Variants in SEMA4A observed in about 807,000 individuals in gnomAD.
SEMA4A encodes the protein semaphorin-4A.
Under a neutral mutation model 72.5 loss-of-function variants are expected in SEMA4A, and 52 were observed. That is an observed-to-expected ratio of 0.72 (90% CI 0.57 to 0.90). The LOEUF is 0.90. SEMA4A is among the 40% of genes least tolerant of loss of function. The probability of loss-of-function intolerance (pLI) is 0.00; values close to 1 mark genes in which losing one functional copy is unlikely to be tolerated. For missense variants in SEMA4A, 926 were observed against 959.7 expected, an observed-to-expected ratio of 0.96 and a Z score of 0.46; for synonymous variants, 369 against 393.1, an observed-to-expected ratio of 0.94 and a Z score of 0.73.
intron 10 of SEMA4A, among the ~76,000 whole-genome samples, chr1:156,167,310 AAGACCCCC>A (rs1654254333): frequency 6.6e-6 from 1 of 151,834 alleles, no homozygotes; most frequent in East Asian, 2.0e-4. Flanking sequence ...GCAATATAGT[AAGACCCCC>A]ATCTCTACAA....
chr1:156,165,214 C>T (rs1654046362), intron 10 of SEMA4A, among the ~76,000 whole-genome samples: 1 of 152,202 alleles, frequency 6.6e-6, no homozygotes, highest in Non-Finnish European at 1.5e-5. Context: ...GCCTTTCTGA[C>T]TGCTCCAGTC....
At chr1:156,150,038 C>T (rs1652403050), upstream of SEMA4A, 1 of 151,922 alleles carries the variant, frequency 6.6e-6, no homozygotes, top group Admixed American at 6.6e-5. Flanking sequence ...CACTGAGAGA[C>T]CGGAAAGCCT....
intron 10 of SEMA4A, 98 bp downstream of exon 10, chr1:156,163,192 G>A: frequency 7.2e-7 from 1 of 1,380,496 alleles, no homozygotes; most frequent in Non-Finnish European, 1.0e-6. Context: ...AAATGTTAGT[G>A]CTCTCCACCC....
At chr1:156,166,666 C>T (rs1654189240) in intron 10 of SEMA4A, among the ~76,000 whole-genome samples, 1 of 152,152 alleles carries the variant, frequency 6.6e-6, no homozygotes, top group Non-Finnish European at 1.5e-5. Context: ...CAGTGGCTGA[C>T]ACCTGTAATC....
intron 10 of SEMA4A, 40 bp downstream of exon 10, chr1:156,163,134 C>T: frequency 6.2e-7 from 1 of 1,608,392 alleles, no homozygotes. Flanking sequence ...TCTACACATA[C>T]ATAATGTGCA....
chr1:156,172,921 A>G lies in SEMA4A; in HGVS notation c.1230A>G (p.Lys410=). Residue 410 remains lysine (K), a synonymous_variant, in exon 11 of 15, where the codon AAA becomes AAG. Transcript: ENST00000368285. Reference sequence around the variant, plus strand: ...TGGTGGGGACGCCCCTGCTGGTGAAATCTGGCGTGGAGTATACACGGCTTG... The same window carrying G: ...TGGTGGGGACGCCCCTGCTGGTGAAGTCTGGCGTGGAGTATACACGGCTTG... ...EQVVGTPLLV[K]SGVEYTRLAV... The G allele has an allele frequency of 6.2e-7, 1 of 1,614,066 alleles. No homozygotes were observed. The highest frequency in any genetic ancestry group is 8.5e-7 in the Non-Finnish European group (1 of 1,180,004).
At position 156,154,728 on chromosome 1, in the gene SEMA4A, G is replaced by T. The variant is rs773476159; in HGVS notation, c.139+11G>T. On this transcript the variant is annotated intron_variant, in intron 2 of 14. Transcript: ENST00000368285. ...TCAGATACTATGCAGGTAAGTGTCC[G>T]ACAGCAGGAAGTGTGGGGATAGCAA... is the stretch of plus-strand genomic sequence containing the variant. 2 of 1,576,334 alleles carry T rather than the reference G, an allele frequency of 1.3e-6. No homozygotes were observed. The highest frequency in any genetic ancestry group is 1.7e-6 in the Non-Finnish European group (2 of 1,160,992).
intron 10 of SEMA4A, among the ~76,000 whole-genome samples, chr1:156,171,782 AATTT>A (rs1378315661): frequency 1.4e-5 from 2 of 147,274 alleles, no homozygotes; most frequent in African/African-American, 2.5e-5. Context: ...TTAATTAATT[AATTT>A]ATTTATTTTG....
chr1:156,154,960 C>T, intron 2 of SEMA4A: 2 of 563,116 alleles, frequency 3.6e-6, no homozygotes, highest in Non-Finnish European at 6.3e-6. Context: ...GGGCCAGGGG[C>T]ACGCTTCTTC....
At position 156,176,569 on chromosome 1, in the gene SEMA4A, G is replaced by A; in HGVS notation, c.1858G>A (p.Gly620Ser). The A allele has an allele frequency of 6.2e-7, 1 of 1,614,156 alleles. No homozygotes were observed. Among genetic ancestry groups the A allele is most frequent in the South Asian group, 1.1e-5 (1 of 91,084 alleles). The change falls in exon 15 of 15, where the codon GGT (glycine) becomes AGT (serine). Residue 620 changes from glycine to serine, a missense_variant. Physicochemically the swap from Gly to Ser is moderately conservative, Grantham distance 56 (BLOSUM62 0). Transcript: ENST00000368285. ...GCTGATAGTGCAGGATGGAGTTGGG[G>A]GTCTCTACCAGTGCTGGGCAACTGA... ...LLLIVQDGVG[G>S]LYQCWATENG...
intron 9 of SEMA4A, 144 bp from the exon 10 acceptor site, chr1:156,162,800 A>T: frequency 2.0e-6 from 2 of 992,404 alleles, no homozygotes; most frequent in African/African-American, 3.2e-5. Flanking sequence ...TTATCAACAC[A>T]GTGAGGGGAA....
At chr1:156,175,777 C>A in intron 14 of SEMA4A, 121 bp downstream of exon 14, 1 of 756,930 alleles carries the variant, frequency 1.3e-6, no homozygotes, top group South Asian at 1.5e-5. Flanking sequence ...TCTGAACACC[C>A]GAGTTGGGAT....
At position 156,163,001 on chromosome 1, in the gene SEMA4A, A is replaced by G. The variant is rs770270638; in HGVS notation, c.1041A>G (p.Glu347=). 6.2e-6 allele frequency: 10 copies of G among 1,613,938 alleles called. No homozygotes were observed. Among genetic ancestry groups the G allele is most frequent in the Non-Finnish European group, 6.8e-6 (8 of 1,180,026 alleles). ...AVCAFSLLDI[E]RVFKGKYKEL... Reference sequence around the variant, plus strand: ...GTGCCTTCTCTCTCTTGGACATTGAACGTGTCTTTAAGGGGAAATACAAAG... The same window carrying G: ...GTGCCTTCTCTCTCTTGGACATTGAGCGTGTCTTTAAGGGGAAATACAAAG... The change falls in exon 10 of 15, where the codon GAA becomes GAG. Residue 347 remains glutamate, a synonymous_variant. Coordinates refer to ENST00000368285, the MANE Select transcript of SEMA4A (RefSeq NM_022367.4).
chr1:156,162,205 G>A (rs6659312), intron 9 of SEMA4A, among the ~76,000 whole-genome samples: 61,680 of 152,160 alleles, frequency 0.41, 12,633 homozygotes, highest in South Asian at 0.46. Flanking sequence ...AGGTTGCAGT[G>A]AGCCAAGATC....
upstream of SEMA4A, among the ~76,000 whole-genome samples, chr1:156,152,255 T>C (rs992115749): frequency 5.3e-5 from 8 of 151,962 alleles, no homozygotes; most frequent in Non-Finnish European, 7.4e-5. Context: ...ACGTCCGGAG[T>C]TGGGAGAATT....
intron 6 of SEMA4A, among the ~76,000 whole-genome samples, chr1:156,159,985 A>G (rs1653426206): frequency 6.6e-6 from 1 of 151,630 alleles, no homozygotes; most frequent in Admixed American, 6.6e-5. Flanking sequence ...ACCAACCATT[A>G]CAGACTTCCC....
chr1:156,175,119 T>C lies in SEMA4A; in HGVS notation c.1468T>C (p.Trp490Arg). The change falls in exon 13 of 15, where the codon TGG becomes CGG. Residue 490 changes from tryptophan to arginine, a missense_variant. Physicochemically the swap from Trp to Arg is moderately radical, Grantham distance 101. Transcript: ENST00000368285. ...AVFVGFSGGV[W>R]RVPRANCSVY... ...GTTTGTAGGCTTCTCAGGAGGTGTC[T>C]GGAGGGTGCCCCGAGCCAACTGTAG... The C allele has an allele frequency of 1.1e-5, 17 of 1,614,192 alleles. No homozygotes were observed. Among genetic ancestry groups the C allele is most frequent in the Non-Finnish European group, 1.4e-5 (17 of 1,180,024 alleles).
At chr1:156,161,114 A>G in intron 8 of SEMA4A, 85 bp downstream of exon 8, 1 of 1,257,428 alleles carries the variant, frequency 8.0e-7, no homozygotes, top group Non-Finnish European at 1.1e-6. Context: ...GTGGGCCCCC[A>G]GTGAGAGCGG....
chr1:156,158,702 C>A lies in SEMA4A; in HGVS notation c.463-17C>A. The A allele has an allele frequency of 1.9e-6, 3 of 1,595,696 alleles. No homozygotes were observed. Among genetic ancestry groups the A allele is most frequent in the East Asian group, 4.5e-5 (2 of 44,782 alleles). On this transcript the variant is annotated splice_polypyrimidine_tract_variant and intron_variant, in intron 5 of 14. Transcript: ENST00000368285. ...AGACCTTGGCGTTCTGGCCCCCCAG[C>A]CTCTCTCCCCATTTAGGAACTTCAA...
Sources: allele counts gnomAD v4.1 joint callset (sites outside exome capture counted in the v4.1 genomes callset), GRCh38; gene constraint gnomAD v4.1.1; transcripts MANE v1.5; gene names NCBI Gene and HGNC (gene_info 2026-07-23, HGNC 2026-07-21).